Variants in DAGLA observed in about 807,000 individuals in gnomAD.
DAGLA encodes the protein diacylglycerol lipase alpha.
A neutral mutation model predicts 102.6 loss-of-function variants in DAGLA; 22 were observed. That is an observed-to-expected ratio of 0.21 (90% confidence interval 0.15 to 0.31). The LOEUF (loss-of-function observed/expected upper bound fraction) is 0.31. Among genes scored for constraint, DAGLA ranks in the 10% least tolerant of loss-of-function variants. DAGLA has a pLI of 1.00. For synonymous variants in DAGLA, 578 were observed against 628.9 expected (o/e 0.92, Z 1.21); for missense variants, 927 against 1,446.6 (o/e 0.64, Z 5.83).
chr11:61,717,197 C>A (rs954788699), intron 1 of DAGLA, among the ~76,000 whole-genome samples: 1 of 152,172 alleles, frequency 6.6e-6, no homozygotes, highest in Admixed American at 6.5e-5. Context: ...ACATTTCCTC[C>A]AGATGAAATC....
intron 1 of DAGLA, among the ~76,000 whole-genome samples, chr11:61,706,744 C>A (rs2065153559): frequency 6.6e-6 from 1 of 152,282 alleles, no homozygotes; most frequent in Middle Eastern, 3.4e-3. Context: ...CTTACCACCA[C>A]CCCCACCCCA....
rs770603123 is a variant in DAGLA at position 61,744,043 on chromosome 11, C to T, written c.2683C>T (p.Leu895=). 6.2e-7 allele frequency: 1 copy of T among 1,612,578 alleles called. No individual in the cohort carries two copies. The change falls in exon 20 of 20, where the codon CTG becomes TTG. Residue 895 remains leucine (L), a synonymous_variant. Coordinates refer to ENST00000257215, the MANE Select transcript of DAGLA (RefSeq NM_006133.3). ...GGGGPASRGE[L]ALHNGRLGDS... ...TGGCGGGCCGGCCTCCCGCGGGGAGCTGGCGCTGCACAATGGGCGCCTGGG... is the reference window on the plus strand; with the variant it reads ...TGGCGGGCCGGCCTCCCGCGGGGAGTTGGCGCTGCACAATGGGCGCCTGGG...
intron 1 of DAGLA, among the ~76,000 whole-genome samples, chr11:61,683,879 G>A (rs1376967840): frequency 6.6e-6 from 1 of 152,166 alleles, no homozygotes; most frequent in Non-Finnish European, 1.5e-5. Flanking sequence ...TGGACCTCGA[G>A]GGCAAGCAGC....
At chr11:61,692,555 A>G (rs1183621515) in intron 1 of DAGLA, among the ~76,000 whole-genome samples, 1 of 152,140 alleles carries the variant, frequency 6.6e-6, no homozygotes, top group East Asian at 1.9e-4. Context: ...AGAGATGGGA[A>G]GAAGGGCAGA....
intron 1 of DAGLA, among the ~76,000 whole-genome samples, chr11:61,682,796 A>G (rs967721373): frequency 7.2e-6 from 1 of 138,962 alleles, no homozygotes; most frequent in South Asian, 2.3e-4. Flanking sequence ...CCACAGATCG[A>G]TGTGGCTCAG....
chr11:61,715,395 T>C (rs519678), intron 1 of DAGLA, among the ~76,000 whole-genome samples: 149,936 of 152,298 alleles, frequency 0.98, 73,848 homozygotes, highest in Non-Finnish European at 1. Flanking sequence ...GTGGCACTCG[T>C]GGGGGTTCCC....
intron 9 of DAGLA, among the ~76,000 whole-genome samples, chr11:61,733,349 A>G (rs1265126144): frequency 2.6e-5 from 4 of 152,140 alleles, no homozygotes; most frequent in Non-Finnish European, 4.4e-5. Flanking sequence ...CTTGACCTGC[A>G]GTGTGGGGGA....
chr11:61,731,504 G>A, intron 9 of DAGLA, 63 bp downstream of exon 9: 1 of 1,596,622 alleles, frequency 6.3e-7, no homozygotes, highest in Non-Finnish European at 8.5e-7. Context: ...GTGTGAGGAA[G>A]GGCTACCGGG....
chr11:61,731,465 C>G, intron 9 of DAGLA, 24 bp downstream of exon 9: 1 of 1,611,278 alleles, frequency 6.2e-7, no homozygotes, highest in South Asian at 1.1e-5. Context: ...TCCCATCCCC[C>G]AGCGATTGCA....
intron 19 of DAGLA, among the ~76,000 whole-genome samples, chr11:61,743,295 G>A (rs547498867): frequency 1.2e-4 from 18 of 151,642 alleles, no homozygotes; most frequent in African/African-American, 1.7e-4. Context: ...AACCCAGGGC[G>A]GAGCTTGCAG....
At chr11:61,716,132 G>T (rs1229362286) in intron 1 of DAGLA, among the ~76,000 whole-genome samples, 1 of 152,220 alleles carries the variant, frequency 6.6e-6, no homozygotes, top group Non-Finnish European at 1.5e-5. Context: ...TGGGACTGAG[G>T]TGCTGGAGCC....
chr11:61,740,510 A>G lies in DAGLA; in HGVS notation c.1901A>G (p.Asn634Ser). The change falls in exon 18 of 20, where the codon AAC becomes AGC. Residue 634 changes from asparagine to serine, a missense_variant. Physicochemically the swap from Asn to Ser is conservative, Grantham distance 46 (BLOSUM62 1). Transcript: ENST00000257215. ...EPTYFAIWGD[N>S]KAFNEVIISP... ...ACATACTTTGCCATCTGGGGCGACA[A>G]CAAGGCCTTCAATGAGGTGATCATC... 1 of 1,613,918 alleles carries G rather than the reference A, an allele frequency of 6.2e-7. No individual in the cohort carries two copies. Among genetic ancestry groups the G allele is most frequent in the Non-Finnish European group, 8.5e-7 (1 of 1,179,994 alleles).
chr11:61,739,819 G>T (rs967142539), intron 17 of DAGLA, among the ~76,000 whole-genome samples, 158 bp downstream of exon 17: 6 of 152,192 alleles, frequency 3.9e-5, no homozygotes, highest in African/African-American at 1.4e-4. Flanking sequence ...CCAGCATCGG[G>T]CTCTGGAAAT....
Position 61,737,172 on chromosome 11 carries a change from C to T in DAGLA, c.1372-10C>T, listed in dbSNP as rs748720311. ...TGGGGCAGGGCTCTCAGGCTTCTCT[C>T]GGTCTCCAGGGCCGCGGAACCAAAC... On this transcript the variant is annotated splice_polypyrimidine_tract_variant and intron_variant, in intron 13 of 19. Coordinates refer to ENST00000257215, the MANE Select transcript of DAGLA (RefSeq NM_006133.3). 1.9e-5 allele frequency: 31 copies of T among 1,613,362 alleles called. No homozygotes were observed. The highest frequency in any genetic ancestry group is 2.3e-5 in the Non-Finnish European group (27 of 1,180,004).
intron 1 of DAGLA, among the ~76,000 whole-genome samples, chr11:61,687,596 G>GCCC (rs1044135857): frequency 3.2e-4 from 48 of 152,214 alleles, no homozygotes; most frequent in Admixed American, 2.7e-3. Context: ...GCCTCCCAAA[G>GCCC]TGTTGGGCTT....
At chr11:61,714,644 G>A (rs2065222228) in intron 1 of DAGLA, among the ~76,000 whole-genome samples, 1 of 152,208 alleles carries the variant, frequency 6.6e-6, no homozygotes, top group South Asian at 2.1e-4. Flanking sequence ...CTGGCTTGGG[G>A]GCTTGGGTTG....
At chr11:61,681,688 A>T (rs2064943589) in intron 1 of DAGLA, among the ~76,000 whole-genome samples, 1 of 151,942 alleles carries the variant, frequency 6.6e-6, no homozygotes, top group East Asian at 1.9e-4. Flanking sequence ...AGCCACTGGG[A>T]ATCTGCTGGG....
intron 1 of DAGLA, among the ~76,000 whole-genome samples, chr11:61,689,220 C>T (rs771824677): frequency 5.9e-5 from 9 of 152,242 alleles, no homozygotes; most frequent in Non-Finnish European, 7.3e-5. Flanking sequence ...AGAATCACTG[C>T]GCAGCCCTAG....
At chr11:61,723,624 G>A in intron 5 of DAGLA, 52 bp downstream of exon 5, 4 of 1,596,436 alleles carry the variant, frequency 2.5e-6, no homozygotes, top group South Asian at 1.1e-5. Flanking sequence ...GCTGTCTGGT[G>A]AGCAGAGGTC....
Sources: gnomAD v4.1 joint callset for allele counts (sites outside exome capture counted in the v4.1 genomes callset) on GRCh38, gnomAD v4.1.1 for gene constraint, MANE v1.5 for transcripts, NCBI Gene and HGNC (gene_info 2026-07-23, HGNC 2026-07-21) for gene names.